Variants in CELF2 observed in about 807,000 individuals in gnomAD.
CELF2 encodes CUG triplet repeat RNA-binding protein 2.
A neutral mutation model predicts 62.6 loss-of-function variants in CELF2; 8 were observed. The ratio of observed to expected loss-of-function variants is 0.13; its 90% CI spans 0.07 to 0.23. The LOEUF (loss-of-function observed/expected upper bound fraction) is 0.23, where lower values mean the gene tolerates loss of function less well. Ranked by LOEUF, CELF2 falls within the 10% of genes least tolerant of loss-of-function variation. The probability of loss-of-function intolerance (pLI) is 1.00; values close to 1 mark genes in which losing one functional copy is unlikely to be tolerated. For synonymous variants in CELF2, 258 were observed against 250.0 expected, an observed-to-expected ratio of 1.03 and a Z score of -0.30; for missense variants, 333 against 671.0, an observed-to-expected ratio of 0.50 and a Z score of 5.56.
rs2056776473 is a variant in CELF2, at chr10:11,117,355, T to C, written c.75-48131T>C. Among the ~76,000 whole-genome samples, 2 of 152,200 alleles carry C rather than the reference T, an allele frequency of 1.3e-5. No homozygotes were observed. Among genetic ancestry groups the C allele is most frequent in the Admixed American group, 6.5e-5 (1 of 15,284 alleles). ...GGTGTAACAATATAAATCCTGCTGATTTCACAAAAGTCAAAATGTTTTGCC... is the reference window on the plus strand; with the variant it reads ...GGTGTAACAATATAAATCCTGCTGACTTCACAAAAGTCAAAATGTTTTGCC... On this transcript the variant is annotated intron_variant, in intron 1 of 12. Coordinates refer to ENST00000633077, the MANE Select transcript of CELF2 (RefSeq NM_001326342.2). This position sits in a 1 kb window ranked among gnomAD's most constrained non-coding sequence, Gnocchi z 4.1.
At chr10:10,824,451 C>T in intron 1 of CELF2, among the ~76,000 whole-genome samples, 1 of 152,160 alleles carries the variant, frequency 6.6e-6, no homozygotes, top group East Asian at 1.9e-4. Context: ...AACCAAGACT[C>T]TGCAGAGAAA....
intron 2 of CELF2, chr10:10,920,067 T>C: frequency 9.2e-7 from 1 of 1,088,298 alleles, no homozygotes; most frequent in East Asian, 3.2e-5. Flanking sequence ...TACTGTGCCA[T>C]GTCTTCTGTA....
At chr10:10,968,731 G>GA (rs79085783) in intron 2 of CELF2, among the ~76,000 whole-genome samples, 63 of 145,204 alleles carry the variant, frequency 4.3e-4, no homozygotes, top group Admixed American at 4.1e-4. Context: ...GTGGTGAAAA[G>GA]AAAAAAAAAA....
the CELF2 span, among the ~76,000 whole-genome samples, chr10:10,505,436 C>CCAGCT: frequency 2.0e-5 from 3 of 152,050 alleles, no homozygotes; most frequent in South Asian, 6.2e-4. Context: ...GCTTCTGATC[C>CCAGCT]CAGCTCAGCA....
intron 1 of CELF2, among the ~76,000 whole-genome samples, chr10:11,057,970 T>C (rs2065719772): frequency 6.6e-6 from 1 of 152,184 alleles, no homozygotes; most frequent in Admixed American, 6.5e-5. Context: ...CTCTTAATTT[T>C]TTTTTAGTCT....
intron 1 of CELF2, among the ~76,000 whole-genome samples, chr10:10,802,931 G>T (rs2054820735): frequency 6.6e-6 from 1 of 152,118 alleles, no homozygotes; most frequent in Non-Finnish European, 1.5e-5. Flanking sequence ...GAACTCACTG[G>T]TTTCCAGCTC....
chr10:10,695,930 A>C, the CELF2 span, among the ~76,000 whole-genome samples: 1 of 151,478 alleles, frequency 6.6e-6, no homozygotes, highest in Non-Finnish European at 1.5e-5. Flanking sequence ...CAAAGTTTTC[A>C]ACTTCTTTGC....
At chr10:11,067,966 T>C (rs1302162426) in intron 1 of CELF2, among the ~76,000 whole-genome samples, 1 of 152,228 alleles carries the variant, frequency 6.6e-6, no homozygotes, top group Admixed American at 6.5e-5. Flanking sequence ...TTCACTGTTG[T>C]CAAGGATCAC....
the CELF2 span, among the ~76,000 whole-genome samples, chr10:10,733,883 G>A: frequency 1.3e-5 from 2 of 151,886 alleles, no homozygotes; most frequent in African/African-American, 4.8e-5. Context: ...ACTGTGTCAG[G>A]GCCTAACACT....
At chr10:10,738,932 T>C in the CELF2 span, among the ~76,000 whole-genome samples, 34,023 of 152,100 alleles carry the variant, frequency 0.22, 4,441 homozygotes, top group South Asian at 0.49. Context: ...TCCATACTAA[T>C]GTAAGATTGT....
chr10:11,049,558 TAA>T (rs368708381), intron 1 of CELF2, among the ~76,000 whole-genome samples: 7,021 of 96,788 alleles, frequency 0.073, 756 homozygotes, highest in African/African-American at 0.23. Context: ...CTTTCTTTAG[TAA>T]AAAAAAAAAA....
intron 1 of CELF2, among the ~76,000 whole-genome samples, chr10:11,034,524 G>C (rs2060648610): frequency 6.6e-6 from 1 of 152,124 alleles, no homozygotes; most frequent in Non-Finnish European, 1.5e-5. Flanking sequence ...TTATTACTAA[G>C]AACACTGGAA....
chr10:10,701,546 TAC>T, the CELF2 span, among the ~76,000 whole-genome samples: 1 of 152,220 alleles, frequency 6.6e-6, no homozygotes, highest in African/African-American at 2.4e-5. Flanking sequence ...TTTATCCAAA[TAC>T]CCGGGGCTCC....
chr10:10,872,818 C>T (rs1402851042), intron 1 of CELF2, among the ~76,000 whole-genome samples: 1 of 152,150 alleles, frequency 6.6e-6, no homozygotes, highest in Non-Finnish European at 1.5e-5. Context: ...CCTGTAAAAT[C>T]ATGTGGTTTA....
intron 1 of CELF2, among the ~76,000 whole-genome samples, chr10:10,906,130 T>C (rs773425545): frequency 3.3e-5 from 5 of 150,368 alleles, no homozygotes; most frequent in Non-Finnish European, 5.9e-5. Flanking sequence ...AAAGATGATC[T>C]GTCCCAACTC....
chr10:11,196,522 C>G (rs1304996430), intron 2 of CELF2, among the ~76,000 whole-genome samples: 5 of 151,918 alleles, frequency 3.3e-5, no homozygotes, highest in African/African-American at 1.2e-4. Context: ...ACAAAATTAG[C>G]CAGGCATGAT....
chr10:10,711,187 C>A, the CELF2 span, among the ~76,000 whole-genome samples: 1 of 152,092 alleles, frequency 6.6e-6, no homozygotes, highest in Non-Finnish European at 1.5e-5. Context: ...CTATAGAGAA[C>A]CATTGCTTTA....
intron 3 of CELF2, among the ~76,000 whole-genome samples, chr10:11,228,553 A>C (rs2136280522): frequency 6.6e-6 from 1 of 152,280 alleles, no homozygotes; most frequent in Admixed American, 6.5e-5. Flanking sequence ...AGCTAAGCTC[A>C]TCCTGTCTTC....
intron 1 of CELF2, among the ~76,000 whole-genome samples, chr10:10,876,457 G>A (rs2061099094): frequency 1.3e-5 from 2 of 152,118 alleles, no homozygotes; most frequent in Non-Finnish European, 2.9e-5. Context: ...TCAGAATTAT[G>A]TACATAATAT....
Sources: gnomAD v4.1 joint callset for allele counts (sites outside exome capture counted in the v4.1 genomes callset) on GRCh38, gnomAD v4.1.1 for gene constraint, Gnocchi (gnomAD v3.1) non-coding constraint, MANE v1.5 for transcripts, NCBI Gene and HGNC (gene_info 2026-07-23, HGNC 2026-07-21) for gene names.